ZNF606: variants seen among roughly 807,000 people sequenced by gnomAD.
ZNF606 encodes the protein zinc finger protein 328.
In ZNF606, 37 loss-of-function variants were observed where a neutral mutation model predicts 74.9. That is an observed-to-expected ratio of 0.49 (90% CI 0.38 to 0.65). The LOEUF is 0.65. Among genes scored for constraint, ZNF606 ranks in the 30% least tolerant of loss-of-function variants. ZNF606 has a pLI of 0.00. For missense variants in ZNF606, 852 were observed against 952.9 expected (o/e 0.89, Z 1.39); for synonymous variants, 328 against 312.4 (o/e 1.05, Z -0.53).
chr19:57,994,201 G>A (rs2073302220), intron 4 of ZNF606, among the ~76,000 whole-genome samples: 2 of 152,086 alleles, frequency 1.3e-5, no homozygotes, highest in African/African-American at 4.8e-5. Context: ...AGAAGACACA[G>A]CAACTAGTTC....
At chr19:57,999,778 T>A (rs1399564144) in intron 4 of ZNF606, 30 bp downstream of exon 4, 1 of 1,606,030 alleles carries the variant, frequency 6.2e-7, no homozygotes, top group African/African-American at 1.3e-5. Flanking sequence ...CTGGACATCA[T>A]CCTCTGGGAA....
At chr19:57,997,102 T>C (rs1229156866) in intron 4 of ZNF606, among the ~76,000 whole-genome samples, 2 of 152,164 alleles carry the variant, frequency 1.3e-5, no homozygotes, top group Admixed American at 1.3e-4. Context: ...ATAAATAGAT[T>C]GTGCACATCC....
At chr19:58,000,156 A>C (rs1382210703) in intron 3 of ZNF606, 1 of 519,528 alleles carries the variant, frequency 1.9e-6, no homozygotes, top group African/African-American at 1.9e-5. Context: ...CCTGGGCCTG[A>C]ACCCTAAACG....
At chr19:58,000,818 C>T (rs906768241) in intron 2 of ZNF606, 79 bp from the exon 3 acceptor site, 8 of 1,337,178 alleles carry the variant, frequency 6.0e-6, no homozygotes, top group Middle Eastern at 1.9e-4. Flanking sequence ...GAGGCTGACT[C>T]GCTAATGGGC....
chr19:58,001,367 C>T lies in ZNF606; in HGVS notation c.-48G>A. The T allele has an allele frequency of 1.9e-6, 3 of 1,613,248 alleles. No homozygotes were observed. The highest frequency in any genetic ancestry group is 2.5e-6 in the Non-Finnish European group (3 of 1,179,356). ...ACCTGCCCAGGAACACAGCAAATCC[C>T]AACCTAGTGACAAAAGTGAAAAAAG... On this transcript the variant is annotated 5_prime_UTR_variant, in exon 2 of 7. Transcript: ENST00000551380.
Position 57,979,284 on chromosome 19 carries a change from T to C in ZNF606, c.1396A>G (p.Ser466Gly). 6.2e-7 allele frequency: 1 copy of C among 1,614,084 alleles called. No individual in the cohort carries two copies. The change falls in exon 7 of 7, where the codon AGC (serine) becomes GGC (glycine). Residue 466 changes from serine to glycine, a missense_variant. By Grantham distance (56) the Ser-to-Gly change is moderately conservative. Coordinates refer to ENST00000551380, the MANE Select transcript of ZNF606 (RefSeq NM_001348022.3). Reference protein sequence around the residue: ...YECNKCGKAFSWNSHLIVHKR... With the variant: ...YECNKCGKAFGWNSHLIVHKR... ...TGTACAATAAGATGAGAATTCCAGC[T>C]GAAGGCTTTTCCACATTTATTACAT... is the stretch of plus-strand genomic sequence containing the variant.
Position 57,988,731 on chromosome 19 carries a change from C to T in ZNF606, c.178-10G>A, listed in dbSNP as rs1170487033. 1.2e-6 allele frequency: 2 copies of T among 1,614,040 alleles called. No homozygotes were observed. Among genetic ancestry groups the T allele is most frequent in the South Asian group, 2.2e-5 (2 of 91,078 alleles). Reference sequence around the variant, plus strand: ...TGAAGGTCACTGGTTCCTAAAAGAACACAAACGTTCCTTCTCAGCCTGTGA... The same window carrying T: ...TGAAGGTCACTGGTTCCTAAAAGAATACAAACGTTCCTTCTCAGCCTGTGA... On this transcript the variant is annotated splice_polypyrimidine_tract_variant and intron_variant, in intron 4 of 6. Coordinates refer to ENST00000551380, the MANE Select transcript of ZNF606 (RefSeq NM_001348022.3).
rs974812617 is a variant in ZNF606, at chr19:58,002,724, C to T, written c.-380G>A. ...ACGCCGCCTCTCCCAGCCGGCTCTC[C>T]TGACCCCCCAAGCCCCGCAGCTACG... is the stretch of plus-strand genomic sequence containing the variant. On this transcript the variant is annotated 5_prime_UTR_variant, in exon 1 of 7. Coordinates refer to ENST00000551380, the MANE Select transcript of ZNF606 (RefSeq NM_001348022.3). The T allele has an allele frequency of 9.0e-6, 4 of 445,028 alleles. No homozygotes were observed. The highest frequency in any genetic ancestry group is 4.3e-5 in the African/African-American group (2 of 46,164). The allele number at this position is 445,028 out of a possible 1,614,324, so 27.6% of individuals were successfully genotyped here.
chr19:57,992,447 G>A (rs2073275178), intron 4 of ZNF606, among the ~76,000 whole-genome samples: 1 of 152,192 alleles, frequency 6.6e-6, no homozygotes, highest in African/African-American at 2.4e-5. Flanking sequence ...GGGGATGGAG[G>A]AACTTATTCA....
intron 4 of ZNF606, among the ~76,000 whole-genome samples, chr19:57,996,928 C>T (rs1274127592): frequency 1.3e-5 from 2 of 152,226 alleles, no homozygotes; most frequent in Non-Finnish European, 2.9e-5. Context: ...TGCTAACAAA[C>T]CAGCCACACA....
chr19:57,995,144 G>A (rs1215555396), intron 4 of ZNF606, among the ~76,000 whole-genome samples: 1 of 149,408 alleles, frequency 6.7e-6, no homozygotes, highest in Admixed American at 6.7e-5. Flanking sequence ...GAGCTGAGAT[G>A]GCACCACTGC....
At chr19:57,994,912 G>A (rs1170187944) in intron 4 of ZNF606, among the ~76,000 whole-genome samples, 1 of 152,114 alleles carries the variant, frequency 6.6e-6, no homozygotes, top group African/African-American at 2.4e-5. Context: ...AGCCGGGCAT[G>A]GTGGCTCATG....
At chr19:57,983,301 A>G (rs1004359378) in intron 6 of ZNF606, among the ~76,000 whole-genome samples, 5 of 152,164 alleles carry the variant, frequency 3.3e-5, no homozygotes, top group African/African-American at 1.2e-4. Context: ...GAGGTCGGGC[A>G]TGGTAGCTCA....
At chr19:57,994,005 A>G (rs749025862) in intron 4 of ZNF606, among the ~76,000 whole-genome samples, 3 of 152,240 alleles carry the variant, frequency 2.0e-5, no homozygotes, top group Non-Finnish European at 4.4e-5. Context: ...TGATGCACAG[A>G]TAAAGCGACT....
chr19:57,989,000 G>A (rs2073209867), intron 4 of ZNF606, among the ~76,000 whole-genome samples: 1 of 152,132 alleles, frequency 6.6e-6, no homozygotes, highest in South Asian at 2.1e-4. Context: ...CAGCACACTG[G>A]CTATGTCCCC....
At chr19:57,993,765 T>C (rs553933666) in intron 4 of ZNF606, among the ~76,000 whole-genome samples, 85 of 152,176 alleles carry the variant, frequency 5.6e-4, no homozygotes, top group Admixed American at 1.1e-3. Context: ...AGGGAGTCTG[T>C]GGCCTCACAG....
At chr19:57,990,947 C>A (rs549302260) in intron 4 of ZNF606, among the ~76,000 whole-genome samples, 1 of 152,150 alleles carries the variant, frequency 6.6e-6, no homozygotes, top group Non-Finnish European at 1.5e-5. Context: ...CTCTTTTCCA[C>A]GGCTGAACCT....
At chr19:57,990,639 CCCT>C (rs1241751543) in intron 4 of ZNF606, among the ~76,000 whole-genome samples, 1 of 151,952 alleles carries the variant, frequency 6.6e-6, no homozygotes, top group Non-Finnish European at 1.5e-5. Context: ...GGACCTGTGC[CCCT>C]CCTCTTCACA....
intron 3 of ZNF606, chr19:58,000,228 CT>C (rs138401809): frequency 5.5e-3 from 1,905 of 344,752 alleles, no homozygotes; most frequent in Middle Eastern, 9.6e-3. Context: ...CACTGGTTTT[CT>C]TTTTTTTTTT....
Sources: gnomAD v4.1 joint callset for allele counts (sites outside exome capture counted in the v4.1 genomes callset) on GRCh38, gnomAD v4.1.1 for gene constraint, MANE v1.5 for transcripts, NCBI Gene and HGNC (gene_info 2026-07-23, HGNC 2026-07-21) for gene names.